The following RYR3 variants were observed in gnomAD, a reference collection of about 807,000 sequenced individuals.
RYR3 encodes ryanodine receptor 3, also known as brain ryanodine receptor-calcium release channel.
Under a neutral mutation model 584.3 loss-of-function variants are expected in RYR3, and 207 were observed. That is an observed-to-expected ratio of 0.35 (90% confidence interval 0.32 to 0.40). The LOEUF (loss-of-function observed/expected upper bound fraction) is 0.40, where lower values mean the gene tolerates loss of function less well. RYR3 is among the 10% of genes least tolerant of loss of function. The probability of loss-of-function intolerance (pLI) is 1.00; values close to 1 mark genes in which losing one functional copy is unlikely to be tolerated. For synonymous variants in RYR3, 2,416 were observed against 2,248.5 expected (o/e 1.07, Z -2.11); for missense variants, 5,616 against 6,089.2 (o/e 0.92, Z 2.59).
chr15:33,705,058 A>G (rs1467009123), intron 42 of RYR3, among the ~76,000 whole-genome samples: 1 of 151,800 alleles, frequency 6.6e-6, no homozygotes, highest in Admixed American at 6.6e-5. Context: ...CTACCCCAAC[A>G]CATACACACA....
At chr15:33,366,970 A>G (rs1446143073) in intron 1 of RYR3, among the ~76,000 whole-genome samples, 1 of 152,242 alleles carries the variant, frequency 6.6e-6, no homozygotes, top group Admixed American at 6.5e-5. Flanking sequence ...TCTGGATGAC[A>G]TTGGGTGTAC....
rs566552505 is a variant in RYR3 at position 33,829,020 on chromosome 15, G to A, written c.11334+1733G>A. ...TAGCTTTAAGTTGAAGCCACTGCTC[G>A]TTTACCATTCCAAAAATCCTAGGGC... On this transcript the variant is annotated intron_variant, in intron 85 of 103. Transcript: ENST00000634891. Among the ~76,000 whole-genome samples, 5 of 152,214 alleles carry A rather than the reference G, an allele frequency of 3.3e-5. No individual in the cohort carries two copies. In the South Asian group the frequency reaches 6.2e-4, roughly 19 times the overall value.
At position 33,768,721 on chromosome 15, in the gene RYR3, T is replaced by G. The variant is rs1039839088; in HGVS notation, c.8755+14T>G. 6 of 1,613,040 alleles carry G rather than the reference T, an allele frequency of 3.7e-6. No individual in the cohort carries two copies. In the African/African-American group the frequency reaches 8.0e-5, roughly 22 times the overall value. ...TTTCCCTCTTTGGTAAGTGAAGTGT[T>G]GCTCAAGGTACCGCTCCTCCCTGTA... is the stretch of plus-strand genomic sequence containing the variant. On this transcript the variant is annotated intron_variant, in intron 61 of 103. Transcript: ENST00000634891.
chr15:33,657,362 T>A (rs926241072), intron 32 of RYR3, among the ~76,000 whole-genome samples: 18 of 152,234 alleles, frequency 1.2e-4, no homozygotes, highest in African/African-American at 4.3e-4. Context: ...TTCGACTGAA[T>A]GCATTTCTCT....
intron 43 of RYR3, among the ~76,000 whole-genome samples, chr15:33,717,648 A>G (rs1290256676): frequency 6.6e-6 from 1 of 152,184 alleles, no homozygotes; most frequent in African/African-American, 2.4e-5. Flanking sequence ...CTGCTACATA[A>G]TAACTTCATA....
chr15:33,373,752 CAATTA>C (rs1239969139), intron 1 of RYR3, among the ~76,000 whole-genome samples: 1 of 152,080 alleles, frequency 6.6e-6, no homozygotes, highest in Non-Finnish European at 1.5e-5. Context: ...AGACATACAA[CAATTA>C]AATTATGCCT....
At chr15:33,477,420 C>A (rs2049478571) in intron 2 of RYR3, among the ~76,000 whole-genome samples, 1 of 151,958 alleles carries the variant, frequency 6.6e-6, no homozygotes. Flanking sequence ...GAGTATTTAG[C>A]ACTTGGGAAG....
chr15:33,535,307 A>G (rs2055233665), intron 5 of RYR3, among the ~76,000 whole-genome samples: 2 of 152,196 alleles, frequency 1.3e-5, no homozygotes, highest in Admixed American at 1.3e-4. Flanking sequence ...GTCTTGCACA[A>G]TGGTGTCCTG....
chr15:33,813,186 G>A (rs1162357984), intron 73 of RYR3, among the ~76,000 whole-genome samples, 192 bp downstream of exon 73: 2 of 152,134 alleles, frequency 1.3e-5, no homozygotes, highest in African/African-American at 4.8e-5. Context: ...TATTTCCCCT[G>A]CCAGTGTTTT....
intron 1 of RYR3, among the ~76,000 whole-genome samples, chr15:33,388,165 G>C (rs920846587): frequency 6.6e-6 from 1 of 152,118 alleles, no homozygotes; most frequent in Non-Finnish European, 1.5e-5. Flanking sequence ...ACCTGCAAAA[G>C]ATCAGGAACC....
intron 64 of RYR3, among the ~76,000 whole-genome samples, chr15:33,776,297 A>G (rs1307777767): frequency 6.6e-6 from 1 of 152,228 alleles, no homozygotes. Flanking sequence ...AATGTCATTG[A>G]CAAGTGGAGT....
At chr15:33,558,613 G>C (rs982054280) in intron 10 of RYR3, among the ~76,000 whole-genome samples, 1 of 152,306 alleles carries the variant, frequency 6.6e-6, no homozygotes. Flanking sequence ...TATTGTGGAA[G>C]ACAGTGTGGC....
chr15:33,724,068 C>T lies in RYR3; in HGVS notation c.6804C>T (p.Ser2268=), dbSNP rs565451631. Residue 2268 remains serine (S), a synonymous_variant, in exon 45 of 104, where the codon AGC becomes AGT. Coordinates refer to ENST00000634891, the MANE Select transcript of RYR3 (RefSeq NM_001036.6). The stretch of plus-strand genomic sequence containing the variant: ...TCCCCTCTGTTGGTTCTCTCAGCAG[C>T]ACGGGGGACGATGAAGAGGAAGAAG... ...LPSQGYKREV[S]TGDDEEEEEI... is the part of the protein sequence containing the mutation. The T allele has an allele frequency of 3.8e-6, 6 of 1,591,188 alleles. No individual in the cohort carries two copies. In the South Asian group the frequency reaches 6.6e-5, roughly 18 times the overall value.
chr15:33,584,546 C>A, intron 15 of RYR3, 56 bp downstream of exon 15: 1 of 786,912 alleles, frequency 1.3e-6, no homozygotes, highest in South Asian at 1.7e-5. Flanking sequence ...TTTTTTCTTT[C>A]TGTAAAAAAA....
chr15:33,470,203 C>T (rs2048818512), intron 1 of RYR3, among the ~76,000 whole-genome samples: 2 of 152,144 alleles, frequency 1.3e-5, no homozygotes, highest in African/African-American at 2.4e-5. Flanking sequence ...CTTAGTGTCC[C>T]CCCAGCCCCC....
chr15:33,549,361 G>C (rs969964993), intron 9 of RYR3, among the ~76,000 whole-genome samples: 2 of 152,154 alleles, frequency 1.3e-5, no homozygotes, highest in Non-Finnish European at 1.5e-5. Flanking sequence ...TGGATTTATT[G>C]ATGCTTCAAA....
intron 2 of RYR3, among the ~76,000 whole-genome samples, chr15:33,479,105 G>GGGA (rs10694174): frequency 0.15 from 23,004 of 151,324 alleles, 4,584 homozygotes; most frequent in African/African-American, 0.47. Context: ...GCAGAATGAT[G>GGGA]GAATAGTGTG....
At chr15:33,423,297 T>G (rs1567206528) in intron 1 of RYR3, among the ~76,000 whole-genome samples, 1 of 152,222 alleles carries the variant, frequency 6.6e-6, no homozygotes, top group Non-Finnish European at 1.5e-5. Flanking sequence ...ACAAAATGTT[T>G]CCAGAGTTTA....
intron 1 of RYR3, among the ~76,000 whole-genome samples, chr15:33,446,139 C>T (rs1191907634): frequency 2.0e-5 from 3 of 152,128 alleles, no homozygotes; most frequent in Non-Finnish European, 4.4e-5. Context: ...ATTTCTGCCA[C>T]CTGGAGAAAA....
Sources: allele counts gnomAD v4.1 joint callset (sites outside exome capture counted in the v4.1 genomes callset), GRCh38; gene constraint gnomAD v4.1.1; transcripts MANE v1.5; gene names NCBI Gene and HGNC (gene_info 2026-07-23, HGNC 2026-07-21).